TTLL11: variants seen among roughly 807,000 people sequenced by gnomAD.
TTLL11 encodes the protein tubulin polyglutamylase TTLL11.
Under a neutral mutation model 51.7 loss-of-function variants are expected in TTLL11, and 42 were observed. The observed-to-expected ratio is 0.81, with a 90% CI of 0.64 to 1.05. TTLL11 has a LOEUF of 1.05. Ranked by LOEUF, TTLL11 falls within the 50% of genes least tolerant of loss-of-function variation. The probability of loss-of-function intolerance (pLI) is 0.00; values close to 1 mark genes in which losing one functional copy is unlikely to be tolerated. For missense variants in TTLL11, 799 were observed against 940.4 expected (o/e 0.85, Z 1.97); for synonymous variants, 381 against 383.5 (o/e 0.99, Z 0.08).
At chr9:122,038,500 T>C (rs1225559589) in intron 2 of TTLL11, among the ~76,000 whole-genome samples, 1 of 151,890 alleles carries the variant, frequency 6.6e-6, no homozygotes, top group Non-Finnish European at 1.5e-5. Flanking sequence ...AAATACAAAA[T>C]TAGCCGGGTA....
Position 122,056,846 on chromosome 9 carries a change from G to A in TTLL11, c.463-17478C>T, listed in dbSNP as rs189057324. 3.7e-3 allele frequency among the ~76,000 whole-genome samples: 560 copies of A among 152,258 alleles called. 5 individuals carry two copies. Among genetic ancestry groups the A allele is most frequent in the Admixed American group, 8.2e-3 (126 of 15,292 alleles). On this transcript the variant is annotated intron_variant, in intron 1 of 8. Transcript: ENST00000321582. ...TAGTGTTGGGAATGGGAGTATAAAC[G>A]GGAGAAAAAATTAACTTTTAGAAGA... is the stretch of plus-strand genomic sequence containing the variant.
chr9:121,915,990 T>G (rs3048085), intron 6 of TTLL11, among the ~76,000 whole-genome samples: 1 of 134,250 alleles, frequency 7.4e-6, no homozygotes, highest in African/African-American at 3.0e-5. Flanking sequence ...GACACACACA[T>G]ACACACACAC....
intron 6 of TTLL11, among the ~76,000 whole-genome samples, chr9:121,968,127 A>G (rs1842458534): frequency 6.6e-6 from 1 of 152,220 alleles, no homozygotes; most frequent in Admixed American, 6.5e-5. Flanking sequence ...GGTTCATTGT[A>G]TCACATGTGA....
chr9:121,906,103 G>C, intron 6 of TTLL11, among the ~76,000 whole-genome samples: 1 of 152,158 alleles, frequency 6.6e-6, no homozygotes, highest in South Asian at 2.1e-4. Context: ...GAAACTGGAA[G>C]TAATGAGATT....
At chr9:121,876,414 C>T (rs80080714) in intron 6 of TTLL11, among the ~76,000 whole-genome samples, 2,474 of 152,240 alleles carry the variant, frequency 0.016, 30 homozygotes, top group Middle Eastern at 0.037. Context: ...CCAGGGGCCT[C>T]GGATACAAGA....
At chr9:121,885,162 G>C (rs1838961691) in intron 6 of TTLL11, 1 of 152,152 alleles carries the variant, frequency 6.6e-6, no homozygotes, top group Non-Finnish European at 1.5e-5. Flanking sequence ...TAGCCCACTT[G>C]CATCTCGGTA....
chr9:121,926,007 G>C (rs139485215), intron 6 of TTLL11, among the ~76,000 whole-genome samples: 248 of 152,288 alleles, frequency 1.6e-3, no homozygotes, highest in Middle Eastern at 0.01. Flanking sequence ...TGTCTTCCAG[G>C]TTCTGTGTTC....
chr9:122,027,676 G>C (rs1564364655), intron 3 of TTLL11, among the ~76,000 whole-genome samples: 1 of 152,162 alleles, frequency 6.6e-6, no homozygotes, highest in Non-Finnish European at 1.5e-5. Flanking sequence ...TTTAAAAACT[G>C]AAGGCAAAAT....
At chr9:121,955,931 C>T (rs908094757) in intron 6 of TTLL11, among the ~76,000 whole-genome samples, 2 of 152,112 alleles carry the variant, frequency 1.3e-5, no homozygotes, top group African/African-American at 4.8e-5. Context: ...GGGAGTGGAA[C>T]ATAATTTATC....
intron 6 of TTLL11, among the ~76,000 whole-genome samples, chr9:121,876,507 C>T (rs1838571719): frequency 6.6e-6 from 1 of 152,160 alleles, no homozygotes; most frequent in South Asian, 2.1e-4. Context: ...AGTGACTTGG[C>T]AGTGTGATGA....
At chr9:122,077,635 C>G (rs1205125091) in intron 1 of TTLL11, among the ~76,000 whole-genome samples, 3 of 151,854 alleles carry the variant, frequency 2.0e-5, no homozygotes, top group Admixed American at 6.6e-5. Context: ...ATACAATTCA[C>G]AAGTTAATCT....
chr9:121,852,902 G>A (rs764096112), intron 8 of TTLL11, among the ~76,000 whole-genome samples: 40 of 152,244 alleles, frequency 2.6e-4, no homozygotes, highest in Non-Finnish European at 4.7e-4. Flanking sequence ...CACCTCGCAC[G>A]AGGCGCTGCG....
chr9:121,894,392 G>A (rs1839375916), intron 6 of TTLL11, among the ~76,000 whole-genome samples: 1 of 152,148 alleles, frequency 6.6e-6, no homozygotes, highest in Admixed American at 6.5e-5. Context: ...TCCCATTACT[G>A]GGTATATACC....
intron 7 of TTLL11, among the ~76,000 whole-genome samples, chr9:121,862,131 C>T (rs1838030393): frequency 6.6e-6 from 1 of 151,480 alleles, no homozygotes; most frequent in Admixed American, 6.6e-5. Flanking sequence ...GCTCCCTGTC[C>T]ATGCCACAGC....
chr9:121,844,028 C>T (rs1345472313), intron 8 of TTLL11, among the ~76,000 whole-genome samples: 6 of 152,154 alleles, frequency 3.9e-5, no homozygotes, highest in Non-Finnish European at 7.3e-5. Context: ...AATTAGGTAA[C>T]TCTAGCTTTT....
At chr9:122,058,919 AGT>A (rs1370349099) in intron 1 of TTLL11, among the ~76,000 whole-genome samples, 1 of 152,218 alleles carries the variant, frequency 6.6e-6, no homozygotes, top group Non-Finnish European at 1.5e-5. Flanking sequence ...AATTGCATTA[AGT>A]GTGTGTCACC....
chr9:121,998,397 G>A (rs1269263911), intron 3 of TTLL11, among the ~76,000 whole-genome samples: 1 of 151,772 alleles, frequency 6.6e-6, no homozygotes, highest in African/African-American at 2.4e-5. Flanking sequence ...AGCGATTCTC[G>A]TGCCTCAGCC....
Position 121,884,091 on chromosome 9 carries a change from T to C in TTLL11, c.1482-13343A>G, listed in dbSNP as rs1325365002. Among the ~76,000 whole-genome samples, 6 of 152,202 alleles carry C rather than the reference T, an allele frequency of 3.9e-5. No individual in the cohort carries two copies. In the East Asian group the frequency reaches 1.2e-3, roughly 29 times the overall value. On this transcript the variant is annotated intron_variant, in intron 6 of 8. Coordinates refer to ENST00000321582, the MANE Select transcript of TTLL11 (RefSeq NM_001139442.2). The stretch of plus-strand genomic sequence containing the variant: ...TCGCTGGTCCACGATACAAGATGGC[T>C]TAAAAATCCCAGAGATTTGCAGATG...
At chr9:121,921,138 A>G (rs1588125956) in intron 6 of TTLL11, among the ~76,000 whole-genome samples, 1 of 152,260 alleles carries the variant, frequency 6.6e-6, no homozygotes, top group South Asian at 2.1e-4. Context: ...GGAAGACACC[A>G]GTGGAAAACC....
Sources: gnomAD v4.1 joint callset for allele counts (sites outside exome capture counted in the v4.1 genomes callset) on GRCh38, gnomAD v4.1.1 for gene constraint, MANE v1.5 for transcripts, NCBI Gene and HGNC (gene_info 2026-07-23, HGNC 2026-07-21) for gene names.